Variants in HOXB3 observed in about 807,000 individuals in gnomAD.
HOXB3 encodes homeobox B3, also known as homeobox protein Hox-B3.
HOXB3 carries 17 observed loss-of-function variants against 29.2 expected under a neutral mutation model. That is an observed-to-expected ratio of 0.58 (90% CI 0.40 to 0.87). HOXB3 has a LOEUF of 0.87. HOXB3 is among the 40% of genes least tolerant of loss of function. HOXB3 has a pLI of 0.00. For synonymous variants in HOXB3, 317 were observed against 285.9 expected (o/e 1.11, Z -1.10); for missense variants, 637 against 616.3 (o/e 1.03, Z -0.35).
At chr17:48,578,361 C>T in intron 1 of HOXB3, 1 of 1,584,828 alleles carries the variant, frequency 6.3e-7, no homozygotes, top group Non-Finnish European at 8.6e-7. Context: ...AAAATTTATT[C>T]CGACCCCTGA....
At chr17:48,576,619 T>TCCGGGGC in intron 1 of HOXB3, 1 of 1,072,052 alleles carries the variant, frequency 9.3e-7, no homozygotes, top group Non-Finnish European at 1.3e-6. Flanking sequence ...GATAGATTTT[T>TCCGGGGC]CCGGGGCCCA....
intron 2 of HOXB3, among the ~76,000 whole-genome samples, chr17:48,571,338 C>A (rs956571771): frequency 1.3e-5 from 2 of 152,228 alleles, no homozygotes; most frequent in African/African-American, 4.8e-5. Flanking sequence ...AGACCCACTG[C>A]CAGCGCTGGG....
rs76144100 is a variant in HOXB3 at position 48,557,676 on chromosome 17, T to G, written c.-246-2058A>C. ...ACCTCCCACCTAGAAAGTTGACAGC[T>G]GGGGGGAAGCACGGGTTGGGGGACA... On this transcript the variant is annotated intron_variant, in intron 2 of 4. Transcript: ENST00000498678. 1.2e-3 allele frequency among the ~76,000 whole-genome samples: 184 copies of G among 151,598 alleles called. 1 individual carries two copies. The highest frequency in any genetic ancestry group is 8.7e-3 in the Admixed American group (133 of 15,250).
intron 2 of HOXB3, among the ~76,000 whole-genome samples, chr17:48,571,984 G>C (rs2069599444): frequency 6.6e-6 from 1 of 152,170 alleles, no homozygotes; most frequent in African/African-American, 2.4e-5. Context: ...CCCAGCCAGC[G>C]TCTGTCTGTA....
In HOXB3 at chr17:48,554,876, T is replaced by C; in HGVS notation, c.-159+655A>G. Reference sequence around the variant, plus strand: ...GGACAGTGGGAAGAGAGAAAGGTGCTAAGGGGACCCAAGATCTGGGATCCA... The same window carrying C: ...GGACAGTGGGAAGAGAGAAAGGTGCCAAGGGGACCCAAGATCTGGGATCCA... On this transcript the variant is annotated intron_variant, in intron 3 of 4. Transcript: ENST00000498678. This position sits in a 1 kb window ranked among gnomAD's most constrained non-coding sequence, Gnocchi z 4.1. 5.7e-6 allele frequency: 4 copies of C among 698,598 alleles called. No homozygotes were observed. Among genetic ancestry groups the C allele is most frequent in the Non-Finnish European group, 1.0e-5 (4 of 382,278 alleles). 43.3% of individuals were successfully genotyped at this position (698,598 alleles called of 1,614,324 possible).
At chr17:48,569,050 C>CCT (rs1471366144) in intron 2 of HOXB3, among the ~76,000 whole-genome samples, 2 of 116,260 alleles carry the variant, frequency 1.7e-5, no homozygotes, top group Non-Finnish European at 3.7e-5. Flanking sequence ...TCTCTCTCTC[C>CCT]CTCTCTCTCT....
chr17:48,556,638 G>GA (rs913939010), intron 2 of HOXB3: 2 of 151,642 alleles, frequency 1.3e-5, no homozygotes, highest in Non-Finnish European at 2.9e-5. Flanking sequence ...TAAAAACTCT[G>GA]AACATCTTGC....
rs1252757829 is a variant in HOXB3, at chr17:48,554,793, G to T, written c.-159+738C>A. 3 of 702,268 alleles carry T rather than the reference G, an allele frequency of 4.3e-6. No homozygotes were observed. The highest frequency in any genetic ancestry group is 3.5e-5 in the African/African-American group (2 of 57,260). The allele number at this position is 702,268 out of a possible 1,614,324, so 43.5% of individuals were successfully genotyped here. On this transcript the variant is annotated intron_variant, in intron 3 of 4. Coordinates refer to ENST00000498678, the MANE Select transcript of HOXB3 (RefSeq NM_001384749.1). This position sits in a 1 kb window ranked among gnomAD's most constrained non-coding sequence, Gnocchi z 4.1. The stretch of plus-strand genomic sequence containing the variant: ...AATTAAAAGGCGCCTTAGAAACTCC[G>T]CTTCGGGACTTTGCTCAGCAGGGCT...
chr17:48,552,589 C>T lies in HOXB3; in HGVS notation c.-115G>A. ...ACGCCGGACCCCCCCCCCCCACCTC[C>T]CCTCTCTGCCCCCCTCCTCCGGGGT... On this transcript the variant is annotated 5_prime_UTR_variant, in exon 4 of 5. Coordinates refer to ENST00000498678, the MANE Select transcript of HOXB3 (RefSeq NM_001384749.1). The T allele has an allele frequency of 1.4e-6, 1 of 729,030 alleles. No individual in the cohort carries two copies. The highest frequency in any genetic ancestry group is 2.2e-6 in the Non-Finnish European group (1 of 449,530). 45.2% of individuals were successfully genotyped at this position (729,030 alleles called of 1,614,324 possible). A position where few individuals can be genotyped will look rare whatever the true frequency, so the allele number is the denominator to read the frequency against.
At chr17:48,584,371 C>A (rs765110235) in intron 1 of HOXB3, among the ~76,000 whole-genome samples, 11 of 152,170 alleles carry the variant, frequency 7.2e-5, no homozygotes, top group Non-Finnish European at 1.5e-4. Flanking sequence ...TTTGGAAAGG[C>A]TCCAGTGTTG....
intron 2 of HOXB3, among the ~76,000 whole-genome samples, chr17:48,565,721 G>C (rs1341235335): frequency 2.0e-5 from 3 of 152,188 alleles, no homozygotes. Context: ...GAGAGAAGGG[G>C]ACAAAAGGGG....
At chr17:48,578,587 C>T in intron 1 of HOXB3, 1 of 397,132 alleles carries the variant, frequency 2.5e-6, no homozygotes, top group Non-Finnish European at 4.4e-6. Context: ...CATAGGGCTC[C>T]TGCGGGGCGA....
At chr17:48,576,679 C>T (rs529290290) in intron 1 of HOXB3, 3 of 689,440 alleles carry the variant, frequency 4.4e-6, no homozygotes, top group East Asian at 9.9e-5. Context: ...GCACTCACTG[C>T]CCACCCCCAC....
At chr17:48,556,394 AGT>A (rs1241780280) in intron 2 of HOXB3, 1 of 152,088 alleles carries the variant, frequency 6.6e-6, no homozygotes, top group African/African-American at 2.4e-5. Context: ...TTTTTTAGAA[AGT>A]AGTTCTGGGT....
chr17:48,576,002 C>T (rs912195740), intron 1 of HOXB3: 2 of 152,340 alleles, frequency 1.3e-5, no homozygotes, highest in Non-Finnish European at 2.9e-5. Flanking sequence ...AAGGCCACCC[C>T]CTTCCCTACT....
intron 2 of HOXB3, among the ~76,000 whole-genome samples, chr17:48,568,752 G>T (rs1317439830): frequency 1.3e-5 from 2 of 152,062 alleles, no homozygotes; most frequent in Non-Finnish European, 2.9e-5. Flanking sequence ...GAGAGGGAGA[G>T]GGAGGGAGGG....
At chr17:48,576,540 A>C in intron 1 of HOXB3, 1 of 483,680 alleles carries the variant, frequency 2.1e-6, no homozygotes, top group Non-Finnish European at 3.5e-6. Context: ...CTCTATTGTC[A>C]TTTCTATAAA....
intron 2 of HOXB3, among the ~76,000 whole-genome samples, chr17:48,572,896 G>A (rs761771034): frequency 1.3e-5 from 2 of 152,120 alleles, no homozygotes; most frequent in Admixed American, 6.5e-5. Context: ...CGAGGTCAAG[G>A]GGCTTCCGAG....
At position 48,555,593 on chromosome 17, in the gene HOXB3, G is replaced by T. The variant is rs1441224013; in HGVS notation, c.-221C>A. 2 of 702,638 alleles carry T rather than the reference G, an allele frequency of 2.8e-6. No homozygotes were observed. Among genetic ancestry groups the T allele is most frequent in the African/African-American group, 3.5e-5 (2 of 57,244 alleles). The allele number at this position is 702,638 out of a possible 1,614,324, so 43.5% of individuals were successfully genotyped here. A position where few individuals can be genotyped will look rare whatever the true frequency, so the allele number is the denominator to read the frequency against. ...ATATATTCACATCGAGCCCCAGAGCGAGCGGCAGGCGACAAATCTCCCCTC... is the reference window on the plus strand; with the variant it reads ...ATATATTCACATCGAGCCCCAGAGCTAGCGGCAGGCGACAAATCTCCCCTC... On this transcript the variant is annotated 5_prime_UTR_variant, in exon 3 of 5. An upstream open reading frame in the 5' UTR gains an earlier in-frame stop. Coordinates refer to ENST00000498678, the MANE Select transcript of HOXB3 (RefSeq NM_001384749.1).
Sources: gnomAD v4.1 joint callset for allele counts (sites outside exome capture counted in the v4.1 genomes callset) on GRCh38, gnomAD v4.1.1 for gene constraint, Gnocchi (gnomAD v3.1) non-coding constraint, MANE v1.5 for transcripts, NCBI Gene and HGNC (gene_info 2026-07-23, HGNC 2026-07-21) for gene names.